The following PCDHA4 variants were observed in gnomAD, a reference collection of about 807,000 sequenced individuals.
PCDHA4 encodes the protein protocadherin alpha 4.
Under a neutral mutation model 61.4 loss-of-function variants are expected in PCDHA4, and 49 were observed. That is an observed-to-expected ratio of 0.80 (90% CI 0.63 to 1.01). The LOEUF (loss-of-function observed/expected upper bound fraction) is 1.01. PCDHA4 is among the 50% of genes least tolerant of loss of function. PCDHA4 has a pLI of 0.00. For missense variants in PCDHA4, 1,254 were observed against 1,235.8 expected (o/e 1.01, Z -0.22); for synonymous variants, 590 against 550.3 (o/e 1.07, Z -1.01).
chr5:140,876,343 T>C lies in PCDHA4; in HGVS notation c.2385+66771T>C, dbSNP rs1196276310. ...AATGATTTTGCCAGTGAGTGAGAAA[T>C]GTATGTTTTCAATAAATCCAGACAC... is the stretch of plus-strand genomic sequence containing the variant. On this transcript the variant is annotated intron_variant, in intron 1 of 3. Transcript: ENST00000530339. 2 of 1,613,972 alleles carry C rather than the reference T, an allele frequency of 1.2e-6. No individual in the cohort carries two copies. The highest frequency in any genetic ancestry group is 1.1e-5 in the South Asian group (1 of 91,090).
chr5:140,971,000 T>G (rs1409787417), intron 1 of PCDHA4, among the ~76,000 whole-genome samples: 2 of 152,196 alleles, frequency 1.3e-5, no homozygotes, highest in African/African-American at 4.8e-5. Flanking sequence ...ATCAAAGAGT[T>G]TCCAGAAGTC....
chr5:140,850,743 T>C, intron 1 of PCDHA4: 1 of 1,597,890 alleles, frequency 6.3e-7, no homozygotes, highest in Non-Finnish European at 8.6e-7. Context: ...GAGTTGGTCG[T>C]ACTCGCAGCA....
intron 1 of PCDHA4, chr5:140,836,120 G>A (rs2150253260): frequency 1.2e-6 from 2 of 1,613,746 alleles, no homozygotes. Flanking sequence ...CAGTGAGAGA[G>A]CTTGTGCCGC....
At chr5:140,839,304 A>G (rs1554137374) in intron 1 of PCDHA4, among the ~76,000 whole-genome samples, 1 of 152,048 alleles carries the variant, frequency 6.6e-6, no homozygotes, top group Non-Finnish European at 1.5e-5. Flanking sequence ...AGTTTTAAAT[A>G]TCCTATTTAT....
chr5:141,001,706 C>T (rs2098033561), intron 3 of PCDHA4, among the ~76,000 whole-genome samples: 1 of 151,850 alleles, frequency 6.6e-6, no homozygotes, highest in African/African-American at 2.4e-5. Flanking sequence ...AAATAGGGGG[C>T]GGGGAAGGAG....
Position 140,951,565 on chromosome 5 carries a change from T to G in PCDHA4, c.2386-27384T>G, listed in dbSNP as rs151148481. Among the ~76,000 whole-genome samples the G allele has an allele frequency of 1.4e-3, 220 of 152,132 alleles. 1 individual carries two copies. Among genetic ancestry groups the G allele is most frequent in the African/African-American group, 4.9e-3 (203 of 41,508 alleles). ...GGACGGGGGGAAGTGCTACGCACTT[T>G]TAAACAACCAGATTTCACGAGATCT... On this transcript the variant is annotated intron_variant, in intron 1 of 3. Transcript: ENST00000530339.
At chr5:140,977,588 A>G (rs1237547807) in intron 1 of PCDHA4, among the ~76,000 whole-genome samples, 1 of 152,182 alleles carries the variant, frequency 6.6e-6, no homozygotes, top group Non-Finnish European at 1.5e-5. Context: ...GAGAGCAGTT[A>G]GCATGTGAGG....
chr5:140,928,940 A>G (rs2085663832), intron 1 of PCDHA4: 1 of 1,613,944 alleles, frequency 6.2e-7, no homozygotes. Flanking sequence ...CAGAACTTGT[A>G]TTTAGTAATT....
At chr5:140,894,808 A>G (rs541905033) in intron 1 of PCDHA4, among the ~76,000 whole-genome samples, 2 of 152,096 alleles carry the variant, frequency 1.3e-5, no homozygotes, top group African/African-American at 4.8e-5. Flanking sequence ...AAATAATTTT[A>G]TATCAGATTT....
intron 1 of PCDHA4, chr5:140,860,476 G>A (rs1456923557): frequency 3.9e-5 from 6 of 152,106 alleles, no homozygotes; most frequent in Non-Finnish European, 8.8e-5. Context: ...TGGTGCAGTA[G>A]TACTTTATTT....
At chr5:140,891,818 C>T (rs1331998195) in intron 1 of PCDHA4, among the ~76,000 whole-genome samples, 1 of 152,118 alleles carries the variant, frequency 6.6e-6, no homozygotes, top group Non-Finnish European at 1.5e-5. Context: ...AATAAATTAA[C>T]GGCACTGTAA....
chr5:141,009,852 A>G lies in PCDHA4; in HGVS notation c.2759A>G (p.Lys920Arg), dbSNP rs1554262492. The G allele has an allele frequency of 6.2e-7, 1 of 1,614,074 alleles. No homozygotes were observed. Among genetic ancestry groups the G allele is most frequent in the East Asian group, 2.2e-5 (1 of 44,874 alleles). ...FITFGKKEET[K>R]KKKKKKKGNK... ...ACCTTCGGCAAAAAGGAGGAGACCA[A>G]GAAAAAGAAGAAAAAGAAGAAGGGT... Residue 920 changes from lysine (K) to arginine (R), a missense_variant, in exon 4 of 4, where the codon AAG becomes AGG. Physicochemically the swap from Lys to Arg is conservative, Grantham distance 26. Coordinates refer to ENST00000530339, the MANE Select transcript of PCDHA4 (RefSeq NM_018907.4).
chr5:140,863,217 G>A (rs932359746), intron 1 of PCDHA4: 13 of 1,095,768 alleles, frequency 1.2e-5, no homozygotes, highest in Non-Finnish European at 1.6e-5. Flanking sequence ...GCAGCCAAGC[G>A]AGGAAGGTCC....
At chr5:140,964,425 A>C (rs1440321322) in intron 1 of PCDHA4, among the ~76,000 whole-genome samples, 1 of 152,178 alleles carries the variant, frequency 6.6e-6, no homozygotes, top group East Asian at 1.9e-4. Context: ...TCCATTAAAA[A>C]ATTACCAAGC....
chr5:140,914,042 T>C (rs2076573370), intron 1 of PCDHA4, among the ~76,000 whole-genome samples: 1 of 152,222 alleles, frequency 6.6e-6, no homozygotes, highest in South Asian at 2.1e-4. Context: ...AGAATGTGTA[T>C]TCTGCAGCTG....
chr5:140,841,689 T>C, intron 1 of PCDHA4: 1 of 1,613,616 alleles, frequency 6.2e-7, no homozygotes, highest in South Asian at 1.1e-5. Flanking sequence ...GACGTGGAGG[T>C]GAAGGATGTT....
rs1554262551 is a variant in PCDHA4, at chr5:141,009,910, C to T, written c.2817C>T (p.Asn939=). 1 of 1,612,616 alleles carries T rather than the reference C, an allele frequency of 6.2e-7. No individual in the cohort carries two copies. Among genetic ancestry groups the T allele is most frequent in the Middle Eastern group, 1.7e-4 (1 of 6,048 alleles). Residue 939 remains asparagine (N), a synonymous_variant, in exon 4 of 4, where the codon AAC becomes AAT. Transcript: ENST00000530339. ...NKTQEKKEKG[N]STTDNSDQ Reference sequence around the variant, plus strand: ...CCCAGGAGAAAAAAGAGAAAGGGAACAGCACGACTGACAACAGTGACCAGT... The same window carrying T: ...CCCAGGAGAAAAAAGAGAAAGGGAATAGCACGACTGACAACAGTGACCAGT...
chr5:140,823,090 A>C, intron 1 of PCDHA4: 1 of 1,614,038 alleles, frequency 6.2e-7, no homozygotes, highest in Non-Finnish European at 8.5e-7. Flanking sequence ...GGCCACCGCC[A>C]GCGTGTCTGT....
At chr5:140,834,587 C>T (rs2150222038) in intron 1 of PCDHA4, 4 of 1,614,120 alleles carry the variant, frequency 2.5e-6, no homozygotes, top group Admixed American at 3.3e-5. Context: ...GGGCGGTGTG[C>T]AAATTCCGTG....
Sources: allele counts gnomAD v4.1 joint callset (sites outside exome capture counted in the v4.1 genomes callset), GRCh38; gene constraint gnomAD v4.1.1; transcripts MANE v1.5; gene names NCBI Gene and HGNC (gene_info 2026-07-23, HGNC 2026-07-21).